Variants in SLCO5A1 observed in about 807,000 individuals in gnomAD.
SLCO5A1 encodes organic anion transporter polypeptide-related protein 4.
A neutral mutation model predicts 65.1 loss-of-function variants in SLCO5A1; 39 were observed. The observed-to-expected ratio is 0.60, with a 90% CI of 0.46 to 0.78. The LOEUF (loss-of-function observed/expected upper bound fraction) is 0.78, where lower values mean the gene tolerates loss of function less well. Ranked by LOEUF, SLCO5A1 falls within the 30% of genes least tolerant of loss-of-function variation. The pLI is 0.00. For synonymous variants in SLCO5A1, 438 were observed against 415.7 expected, an observed-to-expected ratio of 1.05 and a Z score of -0.65; for missense variants, 1,029 against 1,069.4, an observed-to-expected ratio of 0.96 and a Z score of 0.53.
chr8:69,807,056 A>G (rs1820023287), intron 2 of SLCO5A1, among the ~76,000 whole-genome samples: 1 of 152,248 alleles, frequency 6.6e-6, no homozygotes, highest in African/African-American at 2.4e-5. Flanking sequence ...CAAAAAGAAT[A>G]AAGCTGGAGG....
At chr8:69,755,980 A>G (rs1354828734) in intron 3 of SLCO5A1, among the ~76,000 whole-genome samples, 1 of 152,262 alleles carries the variant, frequency 6.6e-6, no homozygotes, top group Non-Finnish European at 1.5e-5. Context: ...TCCCTAAATT[A>G]TAAATTCAAT....
intron 2 of SLCO5A1, among the ~76,000 whole-genome samples, chr8:69,823,326 C>A (rs879458759): frequency 2.7e-5 from 4 of 150,864 alleles, no homozygotes; most frequent in Non-Finnish European, 4.4e-5. Context: ...CACAGACTGG[C>A]AAATTGGATA....
At chr8:69,793,777 C>CTAAA (rs71556785) in intron 2 of SLCO5A1, among the ~76,000 whole-genome samples, 14,691 of 141,782 alleles carry the variant, frequency 0.1, 777 homozygotes, top group Non-Finnish European at 0.12. Flanking sequence ...GACTCTGTCT[C>CTAAA]TAAATAAATA....
In SLCO5A1 at chr8:69,672,619, A is replaced by G; in HGVS notation, c.*250T>C. 1.9e-6 allele frequency: 1 copy of G among 516,564 alleles called. No individual in the cohort carries two copies. The highest frequency in any genetic ancestry group is 3.2e-5 in the East Asian group (1 of 31,030). 32.0% of individuals were successfully genotyped at this position (516,564 alleles called of 1,614,324 possible). A position where few individuals can be genotyped will look rare whatever the true frequency, so the allele number is the denominator to read the frequency against. On this transcript the variant is annotated 3_prime_UTR_variant, in exon 10 of 10. Transcript: ENST00000260126. The stretch of plus-strand genomic sequence containing the variant: ...TACCGTAGGGGAGCATGAGCTTTGA[A>G]TTAACACAACGGAAATGGGAACAAA...
intron 5 of SLCO5A1, among the ~76,000 whole-genome samples, chr8:69,712,112 A>T (rs1336664489): frequency 6.6e-6 from 1 of 152,212 alleles, no homozygotes; most frequent in East Asian, 1.9e-4. Flanking sequence ...CATGTCTTTT[A>T]TCTGAATCTA....
chr8:69,699,285 G>A (rs1586698069), intron 6 of SLCO5A1, among the ~76,000 whole-genome samples: 1 of 152,158 alleles, frequency 6.6e-6, no homozygotes, highest in Non-Finnish European at 1.5e-5. Flanking sequence ...ATGATGACAG[G>A]GAAGTTAGGT....
chr8:69,674,700 A>G (rs1319422884), intron 9 of SLCO5A1, among the ~76,000 whole-genome samples: 14 of 152,108 alleles, frequency 9.2e-5, no homozygotes, highest in Admixed American at 9.2e-4. Context: ...CCACGGCATC[A>G]GAGAGGGGCA....
intron 6 of SLCO5A1, among the ~76,000 whole-genome samples, chr8:69,704,310 T>C (rs1314211305): frequency 6.6e-6 from 1 of 152,196 alleles, no homozygotes; most frequent in African/African-American, 2.4e-5. Context: ...ACAGCACCTA[T>C]TTGATAGGTT....
chr8:69,736,847 T>C (rs1023161270), intron 5 of SLCO5A1, among the ~76,000 whole-genome samples: 1 of 152,344 alleles, frequency 6.6e-6, no homozygotes, highest in Non-Finnish European at 1.5e-5. Flanking sequence ...GCTTTGAATC[T>C]AACTTCAAGA....
intron 5 of SLCO5A1, among the ~76,000 whole-genome samples, chr8:69,718,663 T>C (rs1296688375): frequency 6.6e-6 from 1 of 152,194 alleles, no homozygotes; most frequent in Non-Finnish European, 1.5e-5. Flanking sequence ...CTTACAAAAA[T>C]ATGTAATTTT....
intron 5 of SLCO5A1, among the ~76,000 whole-genome samples, chr8:69,719,431 T>G (rs1230997480): frequency 6.6e-6 from 1 of 152,110 alleles, no homozygotes; most frequent in African/African-American, 2.4e-5. Context: ...CATTAATTAA[T>G]CAACCTTATA....
At chr8:69,829,748 A>G (rs1821081187) in intron 2 of SLCO5A1, among the ~76,000 whole-genome samples, 3 of 152,224 alleles carry the variant, frequency 2.0e-5, no homozygotes, top group Non-Finnish European at 4.4e-5. Context: ...ATATTTAATG[A>G]TATTAGGGAA....
At chr8:69,753,481 A>G (rs376694626) in intron 4 of SLCO5A1, among the ~76,000 whole-genome samples, 4 of 152,320 alleles carry the variant, frequency 2.6e-5, no homozygotes, top group Admixed American at 1.3e-4. Flanking sequence ...AAAAATGTGG[A>G]CAGGGCATTG....
intron 9 of SLCO5A1, among the ~76,000 whole-genome samples, chr8:69,676,376 T>C (rs1813550077): frequency 6.6e-6 from 1 of 152,232 alleles, no homozygotes; most frequent in Non-Finnish European, 1.5e-5. Flanking sequence ...CAAGTTTATG[T>C]TCATAATGAA....
At chr8:69,812,238 G>A (rs957373038) in intron 2 of SLCO5A1, among the ~76,000 whole-genome samples, 2 of 152,042 alleles carry the variant, frequency 1.3e-5, no homozygotes, top group Non-Finnish European at 2.9e-5. Context: ...CAGTATATAC[G>A]GTATAGCAAC....
chr8:69,770,169 G>A (rs886423864), intron 2 of SLCO5A1, among the ~76,000 whole-genome samples: 5 of 152,028 alleles, frequency 3.3e-5, no homozygotes, highest in East Asian at 1.9e-4. Flanking sequence ...GTGCCTCATC[G>A]GGTGGTTATC....
At chr8:69,692,816 G>A (rs1024886635) in intron 6 of SLCO5A1, among the ~76,000 whole-genome samples, 5 of 152,138 alleles carry the variant, frequency 3.3e-5, no homozygotes, top group Middle Eastern at 3.4e-3. Context: ...GCCTTCTTTC[G>A]GAATACCTCC....
chr8:69,764,953 C>T (rs1817986760), intron 2 of SLCO5A1, among the ~76,000 whole-genome samples: 1 of 152,154 alleles, frequency 6.6e-6, no homozygotes, highest in Non-Finnish European at 1.5e-5. Context: ...ACAGGCCAGA[C>T]ACACAATATC....
At chr8:69,767,796 A>G (rs1016969146) in intron 2 of SLCO5A1, among the ~76,000 whole-genome samples, 1 of 142,686 alleles carries the variant, frequency 7.0e-6, no homozygotes, top group Non-Finnish European at 1.5e-5. Flanking sequence ...AGGCTGAGGC[A>G]GGAGAATCAC....
Sources: allele counts gnomAD v4.1 joint callset (sites outside exome capture counted in the v4.1 genomes callset), GRCh38; gene constraint gnomAD v4.1.1; transcripts MANE v1.5; gene names NCBI Gene and HGNC (gene_info 2026-07-23, HGNC 2026-07-21).